Variants in RELN observed in about 807,000 individuals in gnomAD.
The protein encoded by RELN is reelin.
Under a neutral mutation model 427.6 loss-of-function variants are expected in RELN, and 108 were observed. The observed-to-expected ratio is 0.25, with a 90% CI of 0.22 to 0.30. RELN has a LOEUF of 0.30. Ranked by LOEUF, RELN falls within the 10% of genes least tolerant of loss-of-function variation. The pLI, the probability that RELN is intolerant of heterozygous loss-of-function variation, is 1.00. For missense variants in RELN, 3,715 were observed against 4,302.8 expected, an observed-to-expected ratio of 0.86 and a Z score of 3.82; for synonymous variants, 1,524 against 1,513.4, an observed-to-expected ratio of 1.01 and a Z score of -0.16.
intron 8 of RELN, among the ~76,000 whole-genome samples, chr7:103,701,928 G>A (rs1458967283): frequency 6.6e-6 from 1 of 152,178 alleles, no homozygotes; most frequent in Non-Finnish European, 1.5e-5. Context: ...CGTTTGTAGT[G>A]CTCAGGGGTT....
chr7:103,567,837 C>T (rs1217876250), intron 31 of RELN, among the ~76,000 whole-genome samples: 1 of 150,870 alleles, frequency 6.6e-6, no homozygotes, highest in East Asian at 1.9e-4. Flanking sequence ...ACTCTGTCAC[C>T]CATGCTGGAG....
intron 2 of RELN, among the ~76,000 whole-genome samples, chr7:103,856,717 A>G (rs1052612306): frequency 2.0e-5 from 3 of 152,168 alleles, no homozygotes; most frequent in African/African-American, 7.2e-5. Context: ...GCCTTTAAAG[A>G]GAGACCAGTG....
At position 103,626,746 on chromosome 7, in the gene RELN, G is replaced by T. The variant is rs985732474; in HGVS notation, c.2702+3194C>A. 6.6e-6 allele frequency among the ~76,000 whole-genome samples: 1 copy of T among 152,054 alleles called. No individual in the cohort carries two copies. Among genetic ancestry groups the T allele is most frequent in the East Asian group, 1.9e-4 (1 of 5,208 alleles). On this transcript the variant is annotated intron_variant, in intron 20 of 64. Transcript: ENST00000428762. This position sits in a 1 kb window ranked among gnomAD's most constrained non-coding sequence, Gnocchi z 4.4. ...TTAGATGGGGCAGAGGAATGTTAATGTTCCCTTGGTATTATCACTAATAGT... is the reference window on the plus strand; with the variant it reads ...TTAGATGGGGCAGAGGAATGTTAATTTTCCCTTGGTATTATCACTAATAGT...
rs1475723988 is a variant in RELN, at chr7:103,569,113, C to T, written c.4589-2354G>A. 6.6e-6 allele frequency among the ~76,000 whole-genome samples: 1 copy of T among 152,182 alleles called. No individual in the cohort carries two copies. The highest frequency in any genetic ancestry group is 1.5e-5 in the Non-Finnish European group (1 of 68,040). On this transcript the variant is annotated intron_variant, in intron 31 of 64. Coordinates refer to ENST00000428762, the MANE Select transcript of RELN (RefSeq NM_005045.4). The surrounding 1 kb of genome is among the most constrained non-coding windows in gnomAD (Gnocchi z 4.0). ...TGGAAACAGTCATAAAAGGCATTGTCGTTTATTCCTTGCTCCCTCTCAGAT... is the reference window on the plus strand; with the variant it reads ...TGGAAACAGTCATAAAAGGCATTGTTGTTTATTCCTTGCTCCCTCTCAGAT...
chr7:103,597,713 C>T (rs969512704), intron 24 of RELN, among the ~76,000 whole-genome samples: 3 of 152,116 alleles, frequency 2.0e-5, no homozygotes, highest in African/African-American at 7.2e-5. Flanking sequence ...TTGTTGCAAC[C>T]ACTAAATGGT....
chr7:103,613,796 A>G (rs1218633345), intron 20 of RELN, among the ~76,000 whole-genome samples: 1 of 152,244 alleles, frequency 6.6e-6, no homozygotes, highest in Non-Finnish European at 1.5e-5. Context: ...TGACAGAGCC[A>G]ACAATGCTTT....
Position 103,755,533 on chromosome 7 carries a change from A to G in RELN, c.545-2319T>C, listed in dbSNP as rs796205271. ...TGAGGCAGGAGAATGGCGTGAACCC[A>G]GGAGGCGGAGCTTGCAGTGAGCTAA... is the stretch of plus-strand genomic sequence containing the variant. On this transcript the variant is annotated intron_variant, in intron 4 of 64. Coordinates refer to ENST00000428762, the MANE Select transcript of RELN (RefSeq NM_005045.4). Among the ~76,000 whole-genome samples the G allele has an allele frequency of 1.8e-3, 260 of 146,748 alleles. 1 individual carries two copies. Among genetic ancestry groups the G allele is most frequent in the African/African-American group, 3.8e-3 (149 of 39,646 alleles).
chr7:103,856,655 T>C (rs6964054), intron 2 of RELN, among the ~76,000 whole-genome samples: 21,405 of 151,238 alleles, frequency 0.14, 1,818 homozygotes, highest in East Asian at 0.34. Flanking sequence ...AGCTTTGCAA[T>C]TGGAAATCGT....
intron 1 of RELN, among the ~76,000 whole-genome samples, chr7:103,942,601 T>A (rs895734267): frequency 6.6e-6 from 1 of 152,130 alleles, no homozygotes; most frequent in African/African-American, 2.4e-5. Flanking sequence ...CCAGGGAAGA[T>A]GGATGTTTAA....
chr7:103,756,609 C>T (rs1368839954), intron 4 of RELN, among the ~76,000 whole-genome samples: 1 of 152,016 alleles, frequency 6.6e-6, no homozygotes, highest in African/African-American at 2.4e-5. Context: ...AGATCCAAAC[C>T]TTTAAAAAAT....
At position 103,963,532 on chromosome 7, in the gene RELN, G is replaced by T. The variant is rs566842534; in HGVS notation, c.226+25599C>A. Among the ~76,000 whole-genome samples, 7 of 152,214 alleles carry T rather than the reference G, an allele frequency of 4.6e-5. No individual in the cohort carries two copies. The South Asian group carries it at 1.5e-3, about 32-fold the overall frequency. On this transcript the variant is annotated intron_variant, in intron 1 of 64. Coordinates refer to ENST00000428762, the MANE Select transcript of RELN (RefSeq NM_005045.4). ...TTCAACCATCCCTGGGCAGATTTAG[G>T]GGGGCTGTGGTCAGGATAGCACTGG...
At chr7:103,813,303 T>A (rs957658139) in intron 3 of RELN, among the ~76,000 whole-genome samples, 1 of 152,144 alleles carries the variant, frequency 6.6e-6, no homozygotes, top group African/African-American at 2.4e-5. Context: ...TGAGAAAAGT[T>A]ATAGCCAAGT....
chr7:103,624,790 C>T (rs765484981), intron 20 of RELN, among the ~76,000 whole-genome samples: 5 of 152,088 alleles, frequency 3.3e-5, no homozygotes, highest in African/African-American at 1.2e-4. Context: ...TTTCTTTGTA[C>T]TTTCACTACT....
At chr7:103,847,182 A>G (rs1326803616) in intron 2 of RELN, among the ~76,000 whole-genome samples, 2 of 152,226 alleles carry the variant, frequency 1.3e-5, no homozygotes, top group Non-Finnish European at 2.9e-5. Context: ...ATGCTCATCA[A>G]TGATAGACTG....
intron 4 of RELN, among the ~76,000 whole-genome samples, chr7:103,772,173 T>C (rs1232971317): frequency 1.3e-5 from 2 of 152,224 alleles, no homozygotes; most frequent in African/African-American, 4.8e-5. Context: ...ATGAGGTGCA[T>C]ACTGTGCACC....
At chr7:103,738,671 CCTTTTT>C (rs1562981916) in intron 6 of RELN, among the ~76,000 whole-genome samples, 4 of 128,180 alleles carry the variant, frequency 3.1e-5, no homozygotes, top group African/African-American at 1.2e-4. Flanking sequence ...TTCCTTCCTT[CCTTTTT>C]TTTTTTTTTT....
chr7:103,950,357 T>C (rs1796308549), intron 1 of RELN, among the ~76,000 whole-genome samples: 1 of 152,118 alleles, frequency 6.6e-6, no homozygotes, highest in African/African-American at 2.4e-5. Flanking sequence ...CATTATAATT[T>C]AATGAGATTT....
At chr7:103,529,478 C>T (rs970850635) in intron 46 of RELN, among the ~76,000 whole-genome samples, 1 of 151,782 alleles carries the variant, frequency 6.6e-6, no homozygotes, top group African/African-American at 2.4e-5. Flanking sequence ...GTTACCTGCC[C>T]TTCCACTGAC....
chr7:103,844,026 C>T (rs2116442439), intron 2 of RELN, among the ~76,000 whole-genome samples: 1 of 152,310 alleles, frequency 6.6e-6, no homozygotes, highest in Admixed American at 6.5e-5. Flanking sequence ...TATATTCTGC[C>T]TCACCACCTG....
Sources: allele counts gnomAD v4.1 joint callset (sites outside exome capture counted in the v4.1 genomes callset), GRCh38; gene constraint gnomAD v4.1.1; non-coding constraint Gnocchi (gnomAD v3.1); transcripts MANE v1.5; gene names NCBI Gene and HGNC (gene_info 2026-07-23, HGNC 2026-07-21).